The following PLEC variants were observed in gnomAD, a reference collection of about 807,000 sequenced individuals.
PLEC encodes the protein plectin.
In PLEC, 216 loss-of-function variants were observed where a neutral mutation model predicts 392.8. The ratio of observed to expected loss-of-function variants is 0.55; its 90% CI spans 0.49 to 0.62. PLEC has a LOEUF of 0.62. Ranked by LOEUF, PLEC falls within the 20% of genes least tolerant of loss-of-function variation. PLEC has a pLI of 0.00. For missense variants in PLEC, 6,863 were observed against 6,563.4 expected, an observed-to-expected ratio of 1.05 and a Z score of -1.58; for synonymous variants, 3,621 against 2,980.6, an observed-to-expected ratio of 1.21 and a Z score of -7.00.
exon 1 of PLEC, chr8:143,950,445 G>A: frequency 6.2e-7 from 1 of 1,603,936 alleles, no homozygotes; most frequent in Non-Finnish European, 8.5e-7. Context: ...TCTGGCGGCA[G>A]GTGCAGGTAC....
chr8:143,928,667 C>G (rs1358434284), intron 25 of PLEC, among the ~76,000 whole-genome samples: 2 of 151,946 alleles, frequency 1.3e-5, no homozygotes, highest in East Asian at 3.9e-4. Flanking sequence ...GAGTAGACAG[C>G]GGGTGGACCT....
chr8:143,934,088 C>T lies in PLEC; in HGVS notation c.1173G>A (p.Leu391=), dbSNP rs1554720259. ...EKQLRSEFER[L]ECLQRIVTKL... ...TGGTCACGATGCGCTGAAGACACTC[C>T]AGCCTGCAGCAGCAGCACAGGGAAG... Residue 391 remains leucine (L), a synonymous_variant, in exon 12 of 32, where the codon CTG becomes CTA. Coordinates refer to ENST00000345136, the MANE Select transcript of PLEC (RefSeq NM_201384.3). 1.2e-5 allele frequency: 20 copies of T among 1,611,068 alleles called. No homozygotes were observed. The highest frequency in any genetic ancestry group is 1.7e-5 in the Non-Finnish European group (20 of 1,179,310).
rs1197911694 is a variant in PLEC at position 143,969,529 on chromosome 8, AC to A, written c.70+3873del. On this transcript the variant is annotated intron_variant, in intron 1 of 31. Coordinates refer to the PLEC transcript ENST00000356346. The surrounding 1 kb of genome is among the most constrained non-coding windows in gnomAD (Gnocchi z 5.1). ...CATAGAGGCTGGGCCGTCCTGCCACACCATGGGAGCCTGGAGAGAGACCTGG... is the reference window on the plus strand; with the variant it reads ...CATAGAGGCTGGGCCGTCCTGCCACACATGGGAGCCTGGAGAGAGACCTGG... Among the ~76,000 whole-genome samples, 3 of 152,194 alleles carry A rather than the reference AC, an allele frequency of 2.0e-5. No individual in the cohort carries two copies. The highest frequency in any genetic ancestry group is 6.5e-5 in the Admixed American group (1 of 15,278).
upstream of PLEC, among the ~76,000 whole-genome samples, chr8:143,941,783 C>T (rs1830507708): frequency 6.6e-6 from 1 of 151,274 alleles, no homozygotes; most frequent in African/African-American, 2.4e-5. Flanking sequence ...TCAGCTGGCT[C>T]TCCCACCTGG....
Position 143,925,474 on chromosome 8 carries a change from A to C in PLEC, c.4455T>G (p.Ala1485=), listed in dbSNP as rs56117011. ...LQALRARAEE[A]EAQKRQAQEE... is the part of the protein sequence containing the mutation. ...CCTGCGCCTGTCGCTTTTGTGCCTCAGCCTCCTCCGCCCGTGCACGCAGTG... is the reference window on the plus strand; with the variant it reads ...CCTGCGCCTGTCGCTTTTGTGCCTCCGCCTCCTCCGCCCGTGCACGCAGTG... The change falls in exon 31 of 32, where the codon GCT becomes GCG. Residue 1485 remains alanine (A), a synonymous_variant. Transcript: ENST00000345136. The C allele has an allele frequency of 0.39, 617,397 of 1,594,036 alleles. 125,862 individuals carry two copies. Among genetic ancestry groups the C allele is most frequent in the Non-Finnish European group, 0.42 (495,638 of 1,177,362 alleles).
chr8:143,957,587 C>A (rs1832659904), upstream of PLEC, among the ~76,000 whole-genome samples: 1 of 152,192 alleles, frequency 6.6e-6, no homozygotes, highest in African/African-American at 2.4e-5. Flanking sequence ...CACAGATAAG[C>A]CCTCCCTCCT....
rs562502682 is a variant in PLEC at position 143,919,170 on chromosome 8, C to T, written c.10651G>A (p.Val3551Met). The change falls in exon 32 of 32, where the codon GTG (valine) becomes ATG (methionine). Residue 3551 changes from valine (V) to methionine (M), a missense_variant. Transcript: ENST00000345136. ...LPLKGAEKAE[V>M]VETTQVYTEE... ...GTGTACACCTGCGTGGTCTCCACCA[C>T]CTCAGCCTTCTCCGCCCCTTTCAGT... The T allele has an allele frequency of 6.2e-7, 1 of 1,613,748 alleles. No individual in the cohort carries two copies. The highest frequency in any genetic ancestry group is 1.3e-5 in the African/African-American group (1 of 75,060).
intron 3 of PLEC, 147 bp from the exon 4 acceptor site, chr8:143,937,389 G>A (rs1829339614): frequency 4.4e-6 from 3 of 675,122 alleles, no homozygotes; most frequent in East Asian, 2.7e-5. Context: ...TCCCCCGCAG[G>A]GAAAGGGAGG....
Position 143,921,001 on chromosome 8 carries a change from G to T in PLEC, c.8820C>A (p.Asp2940Glu). The change falls in exon 32 of 32, where the codon GAC becomes GAA. Residue 2940 changes from aspartate (D) to glutamate (E), a missense_variant. Coordinates refer to ENST00000345136, the MANE Select transcript of PLEC (RefSeq NM_201384.3). ...GGCCCGTGCGGAACTGCCGCAGCAG[G>T]TCCCGCCGCTGCTCTGCCGTGAAGT... ...SEYFTAEQRR[D>E]LLRQFRTGRI... The T allele has an allele frequency of 6.2e-7, 1 of 1,613,000 alleles. No individual in the cohort carries two copies. The highest frequency in any genetic ancestry group is 2.2e-5 in the East Asian group (1 of 44,874).
At chr8:143,975,109 G>C (rs1441334331), upstream of PLEC, 8 of 1,525,322 alleles carry the variant, frequency 5.2e-6, no homozygotes, top group Non-Finnish European at 7.2e-6. The surrounding 1 kb of genome is among the most constrained non-coding windows in gnomAD (Gnocchi z 9.9). Flanking sequence ...CCAGCGCCTA[G>C]CACGCAGCGG....
chr8:143,950,836 G>A (rs1194364498), exon 1 of PLEC: 10 of 1,482,096 alleles, frequency 6.7e-6, no homozygotes, highest in South Asian at 2.7e-5. Context: ...GCAGGCGGGC[G>A]GGCAGGCAGG....
upstream of PLEC, among the ~76,000 whole-genome samples, chr8:143,941,074 C>T (rs141797650): frequency 3.0e-3 from 462 of 152,358 alleles, 2 homozygotes; most frequent in Non-Finnish European, 4.4e-3. Flanking sequence ...ACACCTCTGC[C>T]GCCCCTCCCT....
At chr8:143,942,040 C>T, upstream of PLEC, among the ~76,000 whole-genome samples, 1 of 152,146 alleles carries the variant, frequency 6.6e-6, no homozygotes, top group African/African-American at 2.4e-5. Context: ...CCCAGGACTG[C>T]AGCAAGTCCA....
rs782438397 is a variant in PLEC, at chr8:143,919,417, C to T, written c.10404G>A (p.Gln3468=). 1.9e-6 allele frequency: 3 copies of T among 1,613,444 alleles called. No homozygotes were observed. Among genetic ancestry groups the T allele is most frequent in the Admixed American group, 3.3e-5 (2 of 60,014 alleles). Residue 3468 remains glutamine, a synonymous_variant, in exon 32 of 32, where the codon CAG becomes CAA. Coordinates refer to ENST00000345136, the MANE Select transcript of PLEC (RefSeq NM_201384.3). The part of the protein sequence containing the change: ...RQHGIRLLEA[Q]IATGGIIDPV... ...GGTCGATGATGCCGCCCGTGGCGAT[C>T]TGGGCCTCCAGCAGGCGGATGCCGT... is the stretch of plus-strand genomic sequence containing the variant.
chr8:143,930,322 G>A (rs1554713552), intron 20 of PLEC, 24 bp from the exon 21 acceptor site: 2 of 1,596,226 alleles, frequency 1.3e-6, no homozygotes, highest in Admixed American at 1.7e-5. Context: ...AGTCGGTGAG[G>A]ACATGGCCAC....
Position 143,925,291 on chromosome 8 carries a change from C to T in PLEC, c.4638G>A (p.Glu1546=), listed in dbSNP as rs1554701814. 2.5e-6 allele frequency: 4 copies of T among 1,577,236 alleles called. No homozygotes were observed. Among genetic ancestry groups the T allele is most frequent in the East Asian group, 2.3e-5 (1 of 43,432 alleles). The change falls in exon 31 of 32, where the codon GAG becomes GAA. Residue 1546 remains glutamate (E), a synonymous_variant. Coordinates refer to ENST00000345136, the MANE Select transcript of PLEC (RefSeq NM_201384.3). ...CCTGCCGCAGGCGCCGCTCCGCCTC[C>T]TCCGCCTGCAGCCGCAGCTCCTCCA... ...QALEELRLQA[E]EAERRLRQAE... is the part of the protein sequence containing the mutation.
At chr8:143,951,984 G>A (rs1314418579), upstream of PLEC, among the ~76,000 whole-genome samples, 4 of 152,020 alleles carry the variant, frequency 2.6e-5, no homozygotes, top group South Asian at 2.1e-4. Context: ...ATCGCTGCTC[G>A]CCCCAAGCCG....
At chr8:143,942,644 C>A (rs369540775), upstream of PLEC, 159 of 1,176,384 alleles carry the variant, frequency 1.4e-4, no homozygotes, top group African/African-American at 1.0e-3. Flanking sequence ...ACCTCCCCCC[C>A]ACAATCCGCC....
chr8:143,921,029 T>C lies in PLEC; in HGVS notation c.8792A>G (p.Glu2931Gly). The part of the protein sequence containing the change: ...TVTIWEIINS[E>G]YFTAEQRRDL... ...CCGCCGCTGCTCTGCCGTGAAGTAT[T>C]CCGAGTTGATGATCTCCCAAATGGT... The change falls in exon 32 of 32, where the codon GAA becomes GGA. Residue 2931 changes from glutamate to glycine, a missense_variant. Transcript: ENST00000345136. 2 of 1,612,972 alleles carry C rather than the reference T, an allele frequency of 1.2e-6. No homozygotes were observed. The highest frequency in any genetic ancestry group is 8.5e-7 in the Non-Finnish European group (1 of 1,180,024).
Sources: gnomAD v4.1 joint callset for allele counts (sites outside exome capture counted in the v4.1 genomes callset) on GRCh38, gnomAD v4.1.1 for gene constraint, Gnocchi (gnomAD v3.1) non-coding constraint, MANE v1.5 for transcripts, NCBI Gene and HGNC (gene_info 2026-07-23, HGNC 2026-07-21) for gene names.